NALF1: variants seen among roughly 807,000 people sequenced by gnomAD.
The protein encoded by NALF1 is family with sequence similarity 155 member A.
NALF1 carries 3 observed loss-of-function variants against 48.4 expected under a neutral mutation model. The ratio of observed to expected loss-of-function variants is 0.06; its 90% CI spans 0.03 to 0.16. The LOEUF is 0.16. Ranked by LOEUF, NALF1 falls within the 10% of genes least tolerant of loss-of-function variation. NALF1 has a pLI of 1.00. For synonymous variants in NALF1, 262 were observed against 245.7 expected (o/e 1.07, Z -0.62); for missense variants, 526 against 571.5 (o/e 0.92, Z 0.81).
intron 1 of NALF1, among the ~76,000 whole-genome samples, chr13:107,476,689 C>T (rs546365039): frequency 1.3e-5 from 2 of 151,894 alleles, no homozygotes; most frequent in South Asian, 2.1e-4. Context: ...ACTTGCAACA[C>T]GTGGAGCTGC....
intron 1 of NALF1, among the ~76,000 whole-genome samples, chr13:107,349,739 C>CAAAAAA (rs35813555): frequency 3.0e-5 from 3 of 99,224 alleles, no homozygotes; most frequent in African/African-American, 1.1e-4. Context: ...GAATACGTCT[C>CAAAAAA]AAAAAAAAAA....
At chr13:107,665,888 A>G (rs571118149) in intron 1 of NALF1, among the ~76,000 whole-genome samples, 3 of 152,184 alleles carry the variant, frequency 2.0e-5, no homozygotes, top group Non-Finnish European at 4.4e-5. Context: ...CATTTAGTCC[A>G]TATCTAAAGA....
intron 1 of NALF1, among the ~76,000 whole-genome samples, chr13:107,527,710 G>A (rs1288658378): frequency 2.0e-5 from 3 of 152,030 alleles, no homozygotes; most frequent in Non-Finnish European, 4.4e-5. Flanking sequence ...TCCTGGGAGT[G>A]AATAAGTCTC....
At chr13:107,547,536 C>T (rs977665329) in intron 1 of NALF1, among the ~76,000 whole-genome samples, 3 of 152,140 alleles carry the variant, frequency 2.0e-5, no homozygotes, top group Admixed American at 2.0e-4. Flanking sequence ...AATTAATCCT[C>T]ACTACAGTTT....
At chr13:107,603,550 G>A (rs935149946) in intron 1 of NALF1, among the ~76,000 whole-genome samples, 2 of 152,174 alleles carry the variant, frequency 1.3e-5, no homozygotes, top group East Asian at 1.9e-4. Context: ...AGATAAAAAT[G>A]GATTAGCCAT....
At chr13:107,323,870 TG>T (rs2138916450) in intron 1 of NALF1, among the ~76,000 whole-genome samples, 1 of 152,274 alleles carries the variant, frequency 6.6e-6, no homozygotes, top group African/African-American at 2.4e-5. Flanking sequence ...TCCAGGACTT[TG>T]GGAGGCTGAG....
At chr13:107,701,527 T>C (rs1445235491) in intron 1 of NALF1, among the ~76,000 whole-genome samples, 2 of 152,040 alleles carry the variant, frequency 1.3e-5, no homozygotes, top group Non-Finnish European at 2.9e-5. Flanking sequence ...GGAAATGAGA[T>C]ACACGTGGGT....
intron 1 of NALF1, among the ~76,000 whole-genome samples, chr13:107,270,665 ATTTTT>A (rs1566470333): frequency 5.6e-4 from 84 of 148,940 alleles, no homozygotes; most frequent in African/African-American, 2.1e-3. Context: ...ATATATATAT[ATTTTT>A]ATTATTATTA....
intron 1 of NALF1, among the ~76,000 whole-genome samples, chr13:107,723,035 G>C (rs1028559394): frequency 6.6e-6 from 1 of 152,134 alleles, no homozygotes; most frequent in Non-Finnish European, 1.5e-5. Context: ...TATCTTAAAA[G>C]CCATCTCGTT....
intron 1 of NALF1, among the ~76,000 whole-genome samples, chr13:107,658,194 C>T (rs1880634229): frequency 6.6e-6 from 1 of 151,974 alleles, no homozygotes; most frequent in South Asian, 2.1e-4. Flanking sequence ...GATTGGTGAG[C>T]CTCCTAAGTA....
At chr13:107,845,815 T>C (rs1594310826) in intron 1 of NALF1, among the ~76,000 whole-genome samples, 1 of 152,142 alleles carries the variant, frequency 6.6e-6, no homozygotes, top group African/African-American at 2.4e-5. Context: ...CTATCAGTTT[T>C]AGCACCATAA....
At chr13:107,659,430 A>G (rs1444745452) in intron 1 of NALF1, among the ~76,000 whole-genome samples, 1 of 152,096 alleles carries the variant, frequency 6.6e-6, no homozygotes, top group African/African-American at 2.4e-5. Context: ...ATCTAAAATC[A>G]TCCTTGTAAT....
intron 1 of NALF1, among the ~76,000 whole-genome samples, chr13:107,802,886 A>T (rs1307716224): frequency 6.6e-6 from 1 of 152,218 alleles, no homozygotes; most frequent in Non-Finnish European, 1.5e-5. Context: ...TTTACTTAAT[A>T]GCCCTAAAGA....
intron 1 of NALF1, among the ~76,000 whole-genome samples, chr13:107,386,707 T>C (rs1380723756): frequency 1.3e-5 from 2 of 152,194 alleles, no homozygotes; most frequent in Admixed American, 6.5e-5. Context: ...GTCACAAATA[T>C]GGCCACAAAT....
intron 1 of NALF1, among the ~76,000 whole-genome samples, chr13:107,621,535 C>A (rs559697324): frequency 7.2e-5 from 11 of 152,322 alleles, no homozygotes; most frequent in Non-Finnish European, 1.6e-4. Context: ...GCTATCCCAA[C>A]TTAACATGCT....
At chr13:107,592,946 A>C (rs79842191) in intron 1 of NALF1, among the ~76,000 whole-genome samples, 1,658 of 152,002 alleles carry the variant, frequency 0.011, 13 homozygotes, top group Non-Finnish European at 0.018. Flanking sequence ...TTTGGGTAGC[A>C]GTCTAAAGAA....
chr13:107,171,976 T>C (rs368504281), intron 2 of NALF1, among the ~76,000 whole-genome samples: 124 of 152,334 alleles, frequency 8.1e-4, no homozygotes, highest in South Asian at 4.6e-3. Context: ...TAGTTATCAA[T>C]GGTATCTCAT....
chr13:107,234,321 C>T (rs766732363), intron 1 of NALF1, among the ~76,000 whole-genome samples: 8 of 152,186 alleles, frequency 5.3e-5, no homozygotes, highest in African/African-American at 1.7e-4. Flanking sequence ...GGGAGATGCT[C>T]GGTGACTTTG....
chr13:107,271,749 T>A (rs1881170007), intron 1 of NALF1, among the ~76,000 whole-genome samples: 1 of 145,428 alleles, frequency 6.9e-6, no homozygotes, highest in South Asian at 2.1e-4. Flanking sequence ...ATAAATGTAG[T>A]TCCTTCTCCT....
Sources: gnomAD v4.1 joint callset for allele counts (sites outside exome capture counted in the v4.1 genomes callset) on GRCh38, gnomAD v4.1.1 for gene constraint, MANE v1.5 for transcripts, NCBI Gene and HGNC (gene_info 2026-07-23, HGNC 2026-07-21) for gene names.